Variants in CHSY3 observed in about 807,000 individuals in gnomAD.
CHSY3 encodes chondroitin sulfate synthase 3.
A neutral mutation model predicts 67.2 loss-of-function variants in CHSY3; 35 were observed. The ratio of observed to expected loss-of-function variants is 0.52; its 90% confidence interval spans 0.40 to 0.69. The LOEUF is 0.69. Ranked by LOEUF, CHSY3 falls within the 30% of genes least tolerant of loss-of-function variation. The pLI is 0.00. For synonymous variants in CHSY3, 474 were observed against 434.7 expected, an observed-to-expected ratio of 1.09 and a Z score of -1.12; for missense variants, 1,069 against 1,138.5, an observed-to-expected ratio of 0.94 and a Z score of 0.88.
chr5:130,005,331 C>T (rs1483987777), intron 2 of CHSY3, among the ~76,000 whole-genome samples: 2 of 152,000 alleles, frequency 1.3e-5, no homozygotes, highest in South Asian at 4.1e-4. Flanking sequence ...AGGAGAATCG[C>T]TTGAACCCGG....
intron 2 of CHSY3, among the ~76,000 whole-genome samples, chr5:129,978,832 C>A (rs902249347): frequency 2.0e-5 from 3 of 152,144 alleles, no homozygotes; most frequent in Admixed American, 1.3e-4. Flanking sequence ...AGCTTCCCAA[C>A]TGAAACTGTA....
intron 2 of CHSY3, among the ~76,000 whole-genome samples, chr5:130,047,584 CTATTGGATG>C (rs1281580760): frequency 6.6e-6 from 1 of 152,002 alleles, no homozygotes. Context: ...TAGGAAAAGT[CTATTGGATG>C]CAGTTCACTA....
intron 2 of CHSY3, among the ~76,000 whole-genome samples, chr5:129,979,191 C>T (rs1319090927): frequency 1.0e-5 from 1 of 100,008 alleles, no homozygotes; most frequent in Non-Finnish European, 1.8e-5. Flanking sequence ...GACAGCGAGA[C>T]TCCGTCTCAA....
intron 2 of CHSY3, among the ~76,000 whole-genome samples, chr5:130,111,637 T>G (rs564554067): frequency 6.6e-6 from 1 of 152,226 alleles, no homozygotes; most frequent in East Asian, 1.9e-4. Flanking sequence ...AGAGTGTATT[T>G]AAAGTATTCT....
intron 2 of CHSY3, among the ~76,000 whole-genome samples, chr5:130,102,666 G>A (rs529716003): frequency 2.0e-5 from 3 of 152,104 alleles, no homozygotes; most frequent in Admixed American, 2.0e-4. Flanking sequence ...ATGATTAATT[G>A]GATGAGAAAA....
intron 2 of CHSY3, among the ~76,000 whole-genome samples, chr5:129,919,837 T>C (rs76286418): frequency 0.023 from 3,502 of 152,248 alleles, 125 homozygotes; most frequent in African/African-American, 0.08. Flanking sequence ...CAAGTTATAG[T>C]TGTATATGTA....
chr5:129,972,208 G>C (rs1431314748), intron 2 of CHSY3, among the ~76,000 whole-genome samples: 1 of 151,976 alleles, frequency 6.6e-6, no homozygotes, highest in Non-Finnish European at 1.5e-5. Context: ...GACATAACCA[G>C]TCCCCAAGTT....
Position 129,905,563 on chromosome 5 carries a change from A to C in CHSY3, c.734A>C (p.Tyr245Ser). ...PQKKSFMMIKYMHDHYLDKYE... is the reference protein window; with the variant it reads ...PQKKSFMMIKSMHDHYLDKYE... ...AAAAAGTCCTTCATGATGATCAAGTACATGCACGACCACTACCTGGACAAG... is the reference window on the plus strand; with the variant it reads ...AAAAAGTCCTTCATGATGATCAAGTCCATGCACGACCACTACCTGGACAAG... Residue 245 changes from tyrosine (Y) to serine (S), a missense_variant, in exon 1 of 3, where the codon TAC (tyrosine) becomes TCC (serine). Around this residue, in one of 5 missense-constraint regions of CHSY3, gnomAD observed 216 missense variants for 311.5 expected, o/e 0.69. Transcript: ENST00000305031. 1 of 1,613,786 alleles carries C rather than the reference A, an allele frequency of 6.2e-7. No individual in the cohort carries two copies. Among genetic ancestry groups the C allele is most frequent in the Non-Finnish European group, 8.5e-7 (1 of 1,180,028 alleles).
chr5:130,182,642 TTAC>T (rs1770282722), intron 2 of CHSY3, among the ~76,000 whole-genome samples: 1 of 152,138 alleles, frequency 6.6e-6, no homozygotes, highest in African/African-American at 2.4e-5. Flanking sequence ...ACCTTTATGT[TTAC>T]ATCAACAGGT....
At position 130,185,527 on chromosome 5, in the gene CHSY3, A is replaced by T; in HGVS notation, c.2385A>T (p.Gly795=). ...IYKSDLLGAG[G]FDTSIQGWGL... ...AAAGTGATCTTCTAGGTGCAGGTGG[A>T]TTTGATACCTCAATACAAGGCTGGG... is the stretch of plus-strand genomic sequence containing the variant. The change falls in exon 3 of 3, where the codon GGA becomes GGT. Residue 795 remains glycine, a synonymous_variant. Coordinates refer to ENST00000305031, the MANE Select transcript of CHSY3 (RefSeq NM_175856.5). 6.2e-7 allele frequency: 1 copy of T among 1,614,150 alleles called. No individual in the cohort carries two copies. Among genetic ancestry groups the T allele is most frequent in the South Asian group, 1.1e-5 (1 of 91,082 alleles).
At chr5:130,151,893 C>G (rs563071022) in intron 2 of CHSY3, among the ~76,000 whole-genome samples, 1 of 152,276 alleles carries the variant, frequency 6.6e-6, no homozygotes, top group Non-Finnish European at 1.5e-5. Flanking sequence ...GTGAACAAAA[C>G]AGGCAAAATT....
chr5:130,117,484 T>C (rs1444862417), intron 2 of CHSY3, among the ~76,000 whole-genome samples: 1 of 152,224 alleles, frequency 6.6e-6, no homozygotes. Flanking sequence ...CTCTGAGCTC[T>C]TTGCAGCTTC....
chr5:130,070,281 A>T (rs1766016706), intron 2 of CHSY3, among the ~76,000 whole-genome samples: 1 of 152,116 alleles, frequency 6.6e-6, no homozygotes, highest in Admixed American at 6.6e-5. Context: ...ATTGTCATAA[A>T]ATGTTAAAAG....
intron 2 of CHSY3, among the ~76,000 whole-genome samples, chr5:130,091,146 G>GCGCGCACACACACA (rs1554082166): frequency 1.3e-5 from 2 of 149,546 alleles, no homozygotes. Context: ...GCACACGCGC[G>GCGCGCACACACACA]CACACACACA....
At chr5:130,166,546 A>T (rs1441793635) in intron 2 of CHSY3, among the ~76,000 whole-genome samples, 2 of 152,172 alleles carry the variant, frequency 1.3e-5, no homozygotes, top group African/African-American at 4.8e-5. Context: ...GACTTTAAAA[A>T]GATTAGGCTT....
intron 2 of CHSY3, among the ~76,000 whole-genome samples, chr5:130,098,172 T>C (rs542208753): frequency 6.6e-6 from 1 of 152,228 alleles, no homozygotes; most frequent in East Asian, 1.9e-4. Flanking sequence ...CCTTGAAGTA[T>C]CCCTCATGAG....
Position 130,184,804 on chromosome 5 carries a change from T to G in CHSY3, c.1662T>G (p.Thr554=), listed in dbSNP as rs749053986. The change falls in exon 3 of 3, where the codon ACT becomes ACG. Residue 554 remains threonine (T), a synonymous_variant. Coordinates refer to ENST00000305031, the MANE Select transcript of CHSY3 (RefSeq NM_175856.5). ...LYKRHKGRKL[T]VPVRRHAYLQ... ...AAAGACACAAGGGAAGGAAACTGAC[T>G]GTGCCAGTGAGACGTCATGCCTATC... 13 of 1,609,840 alleles carry G rather than the reference T, an allele frequency of 8.1e-6. No homozygotes were observed. In the Middle Eastern group the frequency reaches 4.9e-4, roughly 61 times the overall value.
At chr5:130,117,719 A>G (rs1045460223) in intron 2 of CHSY3, among the ~76,000 whole-genome samples, 3 of 152,244 alleles carry the variant, frequency 2.0e-5, no homozygotes, top group Non-Finnish European at 4.4e-5. Context: ...TCAAAACTAC[A>G]GATGTCCAGC....
intron 2 of CHSY3, among the ~76,000 whole-genome samples, chr5:129,960,010 A>G (rs771313995): frequency 1.3e-5 from 2 of 152,034 alleles, no homozygotes; most frequent in African/African-American, 2.4e-5. Flanking sequence ...CTCTGAATGG[A>G]CTAAGTTAGT....
Sources: allele counts gnomAD v4.1 joint callset (sites outside exome capture counted in the v4.1 genomes callset), GRCh38; gene constraint gnomAD v4.1.1; regional missense constraint gnomAD v4.1.1; transcripts MANE v1.5; gene names NCBI Gene and HGNC (gene_info 2026-07-23, HGNC 2026-07-21).